Variants in PLEKHG4B observed in about 807,000 individuals in gnomAD.
PLEKHG4B encodes the protein pleckstrin homology domain-containing family G member 4B.
PLEKHG4B carries 111 observed loss-of-function variants against 121.3 expected under a neutral mutation model. The ratio of observed to expected loss-of-function variants is 0.92; its 90% CI spans 0.78 to 1.07. The LOEUF is 1.07. Among genes scored for constraint, PLEKHG4B ranks in the 50% least tolerant of loss-of-function variants. PLEKHG4B has a pLI of 0.00. For missense variants in PLEKHG4B, 1,831 were observed against 1,757.8 expected (o/e 1.04, Z -0.74); for synonymous variants, 738 against 725.0 (o/e 1.02, Z -0.29).
chr5:181,680 G>A lies in PLEKHG4B; in HGVS notation c.4564+5G>A, dbSNP rs369508360. ...ACAGCATCGTCAAGGGCACAGGTAC[G>A]GTGGCTCGGTCCCGCCCTCACTCAC... On this transcript the variant is annotated splice_donor_5th_base_variant and intron_variant, in intron 19 of 19. Coordinates refer to ENST00000637938, the MANE Select transcript of PLEKHG4B (RefSeq NM_052909.5). The A allele has an allele frequency of 4.0e-5, 65 of 1,610,562 alleles. No homozygotes were observed. Among genetic ancestry groups the A allele is most frequent in the East Asian group, 2.2e-4 (10 of 44,832 alleles).
chr5:92,525 CGG>C (rs1294100729), intron 1 of PLEKHG4B, among the ~76,000 whole-genome samples: 1 of 8,288 alleles, frequency 1.2e-4, no homozygotes, highest in Non-Finnish European at 2.4e-4. Context: ...TCAAGGCGGG[CGG>C]GCGCGGGGAC....
chr5:122,427 T>G (rs1371651953), intron 2 of PLEKHG4B, among the ~76,000 whole-genome samples: 1 of 151,876 alleles, frequency 6.6e-6, no homozygotes, highest in Non-Finnish European at 1.5e-5. Flanking sequence ...ATTTATTTAT[T>G]TATTTATTTT....
At chr5:94,030 C>T (rs1406996501) in intron 1 of PLEKHG4B, among the ~76,000 whole-genome samples, 1 of 152,204 alleles carries the variant, frequency 6.6e-6, no homozygotes. Context: ...CTAGAGCCTC[C>T]TAACTCTCAC....
At position 163,381 on chromosome 5, in the gene PLEKHG4B, T is replaced by G. The variant is rs115664303; in HGVS notation, c.3309T>G (p.His1103Gln). 13 of 1,613,114 alleles carry G rather than the reference T, an allele frequency of 8.1e-6. No individual in the cohort carries two copies. Among genetic ancestry groups the G allele is most frequent in the Non-Finnish European group, 1.0e-5 (12 of 1,180,006 alleles). The change falls in exon 13 of 20, where the codon CAT (histidine) becomes CAG (glutamine). Residue 1103 changes from histidine to glutamine, a missense_variant. Transcript: ENST00000637938. ...CCAGGGACTCCTGCCAGCCAGACCA[T>G]ACTAGTGTCTTCAGCAAGGGCCTGG... ...SGPRDSCQPD[H>Q]TSVFSKGLEV...
chr5:171,886 A>G (rs1030581268), intron 16 of PLEKHG4B, among the ~76,000 whole-genome samples: 1 of 152,198 alleles, frequency 6.6e-6, no homozygotes, highest in African/African-American at 2.4e-5. Context: ...CAGCTCACCC[A>G]TATGCTGCTG....
chr5:182,419 G>T lies in PLEKHG4B; in HGVS notation c.*96G>T. The T allele has an allele frequency of 1.5e-6, 2 of 1,311,192 alleles. No homozygotes were observed. Among genetic ancestry groups the T allele is most frequent in the Non-Finnish European group, 1.0e-6 (1 of 964,648 alleles). 81.2% of individuals were successfully genotyped at this position (1,311,192 alleles called of 1,614,324 possible). Reference sequence around the variant, plus strand: ...GACTCTGGGGGTGGCGGTGCCCATCGCGTGGCTGGAACGATCCAGAGGGAA... The same window carrying T: ...GACTCTGGGGGTGGCGGTGCCCATCTCGTGGCTGGAACGATCCAGAGGGAA... On this transcript the variant is annotated 3_prime_UTR_variant, in exon 20 of 20. Coordinates refer to ENST00000637938, the MANE Select transcript of PLEKHG4B (RefSeq NM_052909.5).
intron 2 of PLEKHG4B, among the ~76,000 whole-genome samples, chr5:127,208 C>G (rs1319992313): frequency 6.6e-6 from 1 of 151,952 alleles, no homozygotes; most frequent in African/African-American, 2.4e-5. Flanking sequence ...AAAGGCTGCT[C>G]TTTGTTAGAA....
intron 2 of PLEKHG4B, among the ~76,000 whole-genome samples, chr5:134,542 G>C (rs1734890382): frequency 6.6e-6 from 1 of 151,846 alleles, no homozygotes. Flanking sequence ...GAGGCAGGTG[G>C]ATCACTTGAG....
chr5:98,720 G>A (rs1368194728), intron 1 of PLEKHG4B, among the ~76,000 whole-genome samples: 8 of 146,226 alleles, frequency 5.5e-5, no homozygotes, highest in Non-Finnish European at 9.0e-5. Flanking sequence ...TGATCCACCC[G>A]CCTCAGCCTC....
intron 2 of PLEKHG4B, among the ~76,000 whole-genome samples, chr5:121,476 G>A (rs560334244): frequency 2.0e-5 from 3 of 152,272 alleles, no homozygotes; most frequent in African/African-American, 7.2e-5. Flanking sequence ...CAGTCGAAAT[G>A]TGTATAGTTG....
chr5:178,166 A>G (rs1246454074), intron 18 of PLEKHG4B, among the ~76,000 whole-genome samples: 1 of 152,242 alleles, frequency 6.6e-6, no homozygotes, highest in Non-Finnish European at 1.5e-5. Context: ...CTTAATGCAC[A>G]AAGTTGCTTC....
At chr5:125,446 A>T (rs1734584990) in intron 2 of PLEKHG4B, among the ~76,000 whole-genome samples, 1 of 152,204 alleles carries the variant, frequency 6.6e-6, no homozygotes, top group Non-Finnish European at 1.5e-5. Flanking sequence ...AACATTAATA[A>T]CATAAAAAAA....
In PLEKHG4B at chr5:107,558, G is replaced by A. The variant is rs145687462; in HGVS notation, c.46-5693G>A. ...TCTTACCCTCAGGTGCTGCTCAGATGCCTCTTCTTCCGGGAAGCTGGCCTA... is the reference window on the plus strand; with the variant it reads ...TCTTACCCTCAGGTGCTGCTCAGATACCTCTTCTTCCGGGAAGCTGGCCTA... On this transcript the variant is annotated intron_variant, in intron 1 of 19. Transcript: ENST00000637938. Among the ~76,000 whole-genome samples, 814 of 152,362 alleles carry A rather than the reference G, an allele frequency of 5.3e-3. 10 individuals are homozygous for A. Among genetic ancestry groups the A allele is most frequent in the African/African-American group, 0.018 (768 of 41,590 alleles).
chr5:171,184 G>A lies in PLEKHG4B; in HGVS notation c.3820-30G>A, dbSNP rs367840540. ...AGCCTGCCCGGCCCTCAGCCAGGCC[G>A]GAGCTGACCCTCTCACCCGGCCCTT... is the stretch of plus-strand genomic sequence containing the variant. On this transcript the variant is annotated intron_variant, in intron 15 of 19. Coordinates refer to ENST00000637938, the MANE Select transcript of PLEKHG4B (RefSeq NM_052909.5). 1.1e-5 allele frequency: 18 copies of A among 1,603,432 alleles called. No homozygotes were observed. The African/African-American group carries it at 1.2e-4, about 11-fold the overall frequency.
rs952546009 is a variant in PLEKHG4B at position 162,380 on chromosome 5, G to T, written c.2650-342G>T. ...CACCTGTCAGGACAGCATTTGAGGG[G>T]TCATGGGGTGGCCAGAGCAGGGTAG... On this transcript the variant is annotated intron_variant, in intron 12 of 19. Coordinates refer to ENST00000637938, the MANE Select transcript of PLEKHG4B (RefSeq NM_052909.5). Among the ~76,000 whole-genome samples the T allele has an allele frequency of 2.6e-5, 4 of 152,230 alleles. No individual in the cohort carries two copies. The East Asian group carries it at 7.7e-4, about 29-fold the overall frequency.
chr5:181,455 T>C, intron 18 of PLEKHG4B, 59 bp from the exon 19 acceptor site: 1 of 1,560,002 alleles, frequency 6.4e-7, no homozygotes, highest in South Asian at 1.2e-5. Context: ...CCGGGCGTCT[T>C]TGGGGTGGCA....
chr5:181,486 G>A (rs746572171), intron 18 of PLEKHG4B, 28 bp from the exon 19 acceptor site: 7 of 1,605,526 alleles, frequency 4.4e-6, no homozygotes, highest in Non-Finnish European at 6.0e-6. Flanking sequence ...AGTTGCTTTG[G>A]AAACTGTCAT....
Position 140,161 on chromosome 5 carries a change from T to A in PLEKHG4B, c.922T>A (p.Ser308Thr). The A allele has an allele frequency of 1.3e-6, 1 of 776,494 alleles. No homozygotes were observed. The highest frequency in any genetic ancestry group is 2.0e-6 in the Non-Finnish European group (1 of 510,828). The allele number at this position is 776,494 out of a possible 1,614,324, so 48.1% of individuals were successfully genotyped here. The change falls in exon 3 of 20, where the codon TCG becomes ACG. Residue 308 changes from serine (S) to threonine (T), a missense_variant. Transcript: ENST00000637938. ...GATGCCCCCTGAGAACTGTGGGGGG[T>A]CGGGGGAGAGGCCGGACCCCATGGA... ...PRMPPENCGG[S>T]GERPDPMDQE...
rs745445251 is a variant in PLEKHG4B, at chr5:174,046, A to G, written c.4350A>G (p.Ala1450=). ...CAAGCTCGGCAGAGGTCAAGAGTGC[A>G]TGGACCGATGTCATAGGGAGGATCC... ...LQASSAEVKS[A]WTDVIGRILW... is the part of the protein sequence containing the mutation. Residue 1450 remains alanine, a synonymous_variant, in exon 18 of 20, where the codon GCA becomes GCG. Coordinates refer to ENST00000637938, the MANE Select transcript of PLEKHG4B (RefSeq NM_052909.5). 25 of 1,599,672 alleles carry G rather than the reference A, an allele frequency of 1.6e-5. No homozygotes were observed. The highest frequency in any genetic ancestry group is 1.4e-4 in the Admixed American group (8 of 57,496).
Sources: allele counts gnomAD v4.1 joint callset (sites outside exome capture counted in the v4.1 genomes callset), GRCh38; gene constraint gnomAD v4.1.1; transcripts MANE v1.5; gene names NCBI Gene and HGNC (gene_info 2026-07-23, HGNC 2026-07-21).